The following COG5 variants were observed in gnomAD, a reference collection of about 807,000 sequenced individuals.
The protein encoded by COG5 is conserved oligomeric Golgi complex subunit 5.
A neutral mutation model predicts 110.4 loss-of-function variants in COG5; 86 were observed. That is an observed-to-expected ratio of 0.78 (90% CI 0.65 to 0.93). COG5 has a LOEUF of 0.93. COG5 is among the 40% of genes least tolerant of loss of function. COG5 has a pLI of 0.00. For missense variants in COG5, 1,077 were observed against 987.0 expected (o/e 1.09, Z -1.22); for synonymous variants, 360 against 334.6 (o/e 1.08, Z -0.83).
chr7:107,509,441 T>C lies in COG5; in HGVS notation c.538+17796A>G, dbSNP rs938071872. Among the ~76,000 whole-genome samples, 8 of 152,260 alleles carry C rather than the reference T, an allele frequency of 5.3e-5. No individual in the cohort carries two copies. In the South Asian group the frequency reaches 1.2e-3, roughly 24 times the overall value. ...GTCTGATTGGTGTACCTGAAAGTGATGGGGAGAATGGAACCAAGTTGGAAA... is the reference window on the plus strand; with the variant it reads ...GTCTGATTGGTGTACCTGAAAGTGACGGGGAGAATGGAACCAAGTTGGAAA... On this transcript the variant is annotated intron_variant, in intron 6 of 21. Coordinates refer to ENST00000297135, the MANE Select transcript of COG5 (RefSeq NM_006348.5).
At chr7:107,227,396 A>G (rs1479212835) in intron 19 of COG5, among the ~76,000 whole-genome samples, 2 of 152,164 alleles carry the variant, frequency 1.3e-5, no homozygotes, top group Admixed American at 1.3e-4. Flanking sequence ...TTACGCCATA[A>G]GAAGCTAGAT....
intron 16 of COG5, among the ~76,000 whole-genome samples, chr7:107,255,440 C>T (rs1337255297): frequency 6.6e-6 from 1 of 151,996 alleles, no homozygotes; most frequent in African/African-American, 2.4e-5. Flanking sequence ...CATTTTGGTG[C>T]CTGTTAAATC....
chr7:107,205,096 G>A (rs1798662491), intron 21 of COG5, among the ~76,000 whole-genome samples: 1 of 152,138 alleles, frequency 6.6e-6, no homozygotes, highest in Admixed American at 6.5e-5. Context: ...CTCTTAAGGT[G>A]GTGAGCATCC....
intron 17 of COG5, 120 bp from the exon 18 acceptor site, chr7:107,236,807 T>C (rs986593257): frequency 1.2e-5 from 9 of 742,476 alleles, no homozygotes; most frequent in Middle Eastern, 4.9e-4. Context: ...CCCTTAATGG[T>C]ATAAAAGACA....
At chr7:107,346,070 G>A (rs1584707352) in intron 10 of COG5, among the ~76,000 whole-genome samples, 1 of 152,164 alleles carries the variant, frequency 6.6e-6, no homozygotes, top group East Asian at 1.9e-4. Flanking sequence ...AATTCCTTAT[G>A]TAAACTAATT....
intron 6 of COG5, among the ~76,000 whole-genome samples, chr7:107,419,382 T>C (rs1321171474): frequency 1.3e-5 from 2 of 152,010 alleles, no homozygotes; most frequent in East Asian, 3.8e-4. Context: ...ACAATGCTTA[T>C]TCCAACTAAA....
intron 5 of COG5, among the ~76,000 whole-genome samples, chr7:107,539,229 AAAC>A (rs893395986): frequency 3.3e-5 from 5 of 152,200 alleles, no homozygotes; most frequent in South Asian, 2.1e-4. Context: ...CTGTCTCAAA[AAAC>A]AACAACAACA....
At chr7:107,450,214 A>T (rs998056368) in intron 6 of COG5, 3 of 158,222 alleles carry the variant, frequency 1.9e-5, no homozygotes, top group African/African-American at 7.2e-5. Context: ...TCTGTGGCTA[A>T]ACCAAGATGA....
At chr7:107,324,260 T>A (rs1346777157) in intron 11 of COG5, among the ~76,000 whole-genome samples, 180 bp downstream of exon 11, 2 of 152,134 alleles carry the variant, frequency 1.3e-5, no homozygotes, top group Non-Finnish European at 2.9e-5. Context: ...AAAATTTTGT[T>A]TACTGAATAT....
In COG5 at chr7:107,324,443, T is replaced by G; in HGVS notation, c.1105A>C (p.Asn369His). The stretch of plus-strand genomic sequence containing the variant: ...TCAAAATAAGTAGTAAACTTACAGT[T>G]TGTTGCCATATGAAATTGAGAAGAA... The part of the protein sequence containing the change: ...ALSSQFHMAT[N>H]SSMFLKQAFE... Residue 369 changes from asparagine (N) to histidine (H), a missense_variant, in exon 11 of 22, where the codon AAC (asparagine) becomes CAC (histidine). By Grantham distance (68) the Asn-to-His change is moderately conservative. Transcript: ENST00000297135. 1 of 1,568,568 alleles carries G rather than the reference T, an allele frequency of 6.4e-7. No homozygotes were observed. The highest frequency in any genetic ancestry group is 8.7e-7 in the Non-Finnish European group (1 of 1,143,860).
rs796520399 is a variant in COG5 at position 107,518,368 on chromosome 7, T to C, written c.538+8869A>G. ...AATTAAAAAGGTACAGACTGGCAAA[T>C]TGAATAAAGAGTCAAGATCAACTGA... On this transcript the variant is annotated intron_variant, in intron 6 of 21. Transcript: ENST00000297135. Among the ~76,000 whole-genome samples, 70 of 152,228 alleles carry C rather than the reference T, an allele frequency of 4.6e-4. 1 individual carries two copies. Among genetic ancestry groups the C allele is most frequent in the Admixed American group, 3.5e-3 (54 of 15,302 alleles).
chr7:107,311,717 T>C (rs1021746622), intron 11 of COG5, among the ~76,000 whole-genome samples: 1 of 152,116 alleles, frequency 6.6e-6, no homozygotes, highest in Non-Finnish European at 1.5e-5. Flanking sequence ...ATAGAGTTTT[T>C]GGCTTTTTAA....
In COG5 at chr7:107,413,007, G is replaced by GT. The variant is rs918463232; in HGVS notation, c.539-376dup. On this transcript the variant is annotated intron_variant, in intron 6 of 21. Transcript: ENST00000297135. ...GTACAGTTTTTTTGCTGCTGCTGTT[G>GT]TTTTTTTTTTAAGAGATGGGGGAAG... is the stretch of plus-strand genomic sequence containing the variant. Among the ~76,000 whole-genome samples the GT allele has an allele frequency of 1.4e-3, 202 of 148,038 alleles. 2 individuals carry two copies. Among genetic ancestry groups the GT allele is most frequent in the African/African-American group, 3.2e-3 (131 of 40,444 alleles).
At chr7:107,378,503 T>C (rs190789241) in intron 7 of COG5, among the ~76,000 whole-genome samples, 1 of 152,082 alleles carries the variant, frequency 6.6e-6, no homozygotes, top group African/African-American at 2.4e-5. Context: ...TCTAACCCAA[T>C]GCAAGGAAGC....
At chr7:107,357,306 T>C (rs763046735) in intron 10 of COG5, among the ~76,000 whole-genome samples, 1 of 152,198 alleles carries the variant, frequency 6.6e-6, no homozygotes, top group Non-Finnish European at 1.5e-5. Context: ...TGCTCTGGAA[T>C]TCCCAAGTAT....
chr7:107,278,867 A>G lies in COG5; in HGVS notation c.1575+2433T>C, dbSNP rs192510647. Among the ~76,000 whole-genome samples, 79 of 152,354 alleles carry G rather than the reference A, an allele frequency of 5.2e-4. 1 individual carries two copies. In the East Asian group the frequency reaches 0.012, roughly 23 times the overall value. ...AAACCTAGGCAATACCATTCAGGAC[A>G]CAGGCATGGGCAAAGACTTCATGAC... On this transcript the variant is annotated intron_variant, in intron 14 of 21. Coordinates refer to ENST00000297135, the MANE Select transcript of COG5 (RefSeq NM_006348.5).
intron 11 of COG5, among the ~76,000 whole-genome samples, chr7:107,318,017 T>C (rs1213611633): frequency 6.6e-6 from 1 of 152,024 alleles, no homozygotes; most frequent in Admixed American, 6.6e-5. Flanking sequence ...GCTAATGGCT[T>C]TTTTCTTTCT....
chr7:107,499,858 A>T (rs1432480641), intron 6 of COG5, among the ~76,000 whole-genome samples: 1 of 151,700 alleles, frequency 6.6e-6, no homozygotes. Context: ...TTGCATCTAC[A>T]TTTTTTTTCT....
intron 5 of COG5, among the ~76,000 whole-genome samples, chr7:107,532,271 G>A (rs1801269150): frequency 6.6e-6 from 1 of 152,120 alleles, no homozygotes; most frequent in Non-Finnish European, 1.5e-5. Context: ...TGGCCAGGCT[G>A]ATCTCGAACT....
Sources: gnomAD v4.1 joint callset for allele counts (sites outside exome capture counted in the v4.1 genomes callset) on GRCh38, gnomAD v4.1.1 for gene constraint, MANE v1.5 for transcripts, NCBI Gene and HGNC (gene_info 2026-07-23, HGNC 2026-07-21) for gene names.